Variants in SFMBT2 observed in about 807,000 individuals in gnomAD.
SFMBT2 encodes scm-like with four MBT domains protein 2.
In SFMBT2, 38 loss-of-function variants were observed where a neutral mutation model predicts 110.1. The observed-to-expected ratio is 0.35, with a 90% CI of 0.27 to 0.45. SFMBT2 has a LOEUF of 0.45. Among genes scored for constraint, SFMBT2 ranks in the 20% least tolerant of loss-of-function variants. The pLI, the probability that SFMBT2 is intolerant of heterozygous loss-of-function variation, is 1.00. For synonymous variants in SFMBT2, 425 were observed against 425.4 expected, an observed-to-expected ratio of 1.00 and a Z score of 0.01; for missense variants, 1,011 against 1,094.9, an observed-to-expected ratio of 0.92 and a Z score of 1.08.
At chr10:7,307,601 T>C (rs974464215) in intron 4 of SFMBT2, among the ~76,000 whole-genome samples, 2 of 152,238 alleles carry the variant, frequency 1.3e-5, no homozygotes, top group African/African-American at 4.8e-5. Context: ...TAAATAGTTC[T>C]AGGACAACTG....
chr10:7,334,850 G>A (rs1012772065), intron 4 of SFMBT2, among the ~76,000 whole-genome samples: 1 of 152,170 alleles, frequency 6.6e-6, no homozygotes, highest in Non-Finnish European at 1.5e-5. Context: ...AGAGACAAGC[G>A]TGAAGTTCCA....
intron 10 of SFMBT2, among the ~76,000 whole-genome samples, 161 bp from the exon 11 acceptor site, chr10:7,220,698 G>A (rs1839699144): frequency 6.6e-6 from 1 of 152,204 alleles, no homozygotes; most frequent in South Asian, 2.1e-4. Flanking sequence ...GAAAGAACCA[G>A]GTGGTCTTCA....
chr10:7,384,600 A>T (rs1464991460), intron 1 of SFMBT2, among the ~76,000 whole-genome samples: 1 of 152,206 alleles, frequency 6.6e-6, no homozygotes, highest in Non-Finnish European at 1.5e-5. Flanking sequence ...CCGAAAGCTT[A>T]GCTGGAATCG....
intron 7 of SFMBT2, among the ~76,000 whole-genome samples, chr10:7,262,180 A>G (rs1368064727): frequency 2.0e-5 from 3 of 150,790 alleles, no homozygotes; most frequent in Admixed American, 6.7e-5. Context: ...CATGAAAGGC[A>G]CTACGGGGCT....
chr10:7,322,606 GACACACAC>G (rs139616328), intron 4 of SFMBT2, among the ~76,000 whole-genome samples: 2 of 148,700 alleles, frequency 1.3e-5, no homozygotes, highest in African/African-American at 5.0e-5. Flanking sequence ...ACTTATGGAA[GACACACAC>G]ACACACACAC....
chr10:7,375,100 C>A (rs934247638), intron 2 of SFMBT2, among the ~76,000 whole-genome samples: 2 of 152,286 alleles, frequency 1.3e-5, no homozygotes, highest in African/African-American at 4.8e-5. Context: ...CTAGGAAAAG[C>A]TACGAAGAAA....
At chr10:7,409,540 G>T (rs1411610251) in intron 1 of SFMBT2, among the ~76,000 whole-genome samples, 2 of 151,956 alleles carry the variant, frequency 1.3e-5, no homozygotes, top group Admixed American at 6.5e-5. Flanking sequence ...CTAATCCACA[G>T]GCACACACGA....
rs975193727 is a variant in SFMBT2 at position 7,186,433 on chromosome 10, C to T, written c.1808+2191G>A. On this transcript the variant is annotated intron_variant, in intron 16 of 20. Coordinates refer to ENST00000397167, the MANE Select transcript of SFMBT2 (RefSeq NM_001387889.1). Reference sequence around the variant, plus strand: ...TACATACATACTATATATACACACACACACACACACACACACACACACACA... The same window carrying T: ...TACATACATACTATATATACACACATACACACACACACACACACACACACA... Among the ~76,000 whole-genome samples the T allele has an allele frequency of 1.1e-3, 153 of 136,744 alleles. 1 individual carries two copies. The highest frequency in any genetic ancestry group is 2.7e-3 in the African/African-American group (89 of 33,012). The allele number at this position is 136,744 out of a possible 152,430, so 89.7% of individuals were successfully genotyped here. A position where few individuals can be genotyped will look rare whatever the true frequency, so the allele number is the denominator to read the frequency against.
At chr10:7,409,668 C>T (rs1305934159) in intron 1 of SFMBT2, among the ~76,000 whole-genome samples, 1 of 152,098 alleles carries the variant, frequency 6.6e-6, no homozygotes, top group Non-Finnish European at 1.5e-5. Context: ...ACAGCCCATT[C>T]CTTCTTTTTT....
chr10:7,364,855 G>A (rs1030394847), intron 4 of SFMBT2, among the ~76,000 whole-genome samples: 2 of 152,272 alleles, frequency 1.3e-5, no homozygotes. Flanking sequence ...TGCGTGCAGA[G>A]TTGGGGATGG....
intron 4 of SFMBT2, among the ~76,000 whole-genome samples, chr10:7,323,470 C>CAAAAAAAAAAAAAAAAAAAAAAAAAAAA (rs34153060): frequency 8.3e-6 from 1 of 120,578 alleles, no homozygotes; most frequent in African/African-American, 3.1e-5. Flanking sequence ...AAAAAAAAAC[C>CAAAAAAAAAAAAAAAAAAAAAAAAAAAA]AAAAAAAAAA....
intron 4 of SFMBT2, among the ~76,000 whole-genome samples, chr10:7,353,960 G>A (rs144852512): frequency 1.3e-5 from 2 of 151,900 alleles, no homozygotes; most frequent in African/African-American, 2.4e-5. Context: ...GGTGGTGCGT[G>A]CGTGTAATCT....
At chr10:7,209,103 T>C (rs1839251420) in intron 11 of SFMBT2, among the ~76,000 whole-genome samples, 1 of 152,222 alleles carries the variant, frequency 6.6e-6, no homozygotes, top group Non-Finnish European at 1.5e-5. Context: ...CATTTCCCTT[T>C]ACCAAGCTTA....
intron 9 of SFMBT2, among the ~76,000 whole-genome samples, chr10:7,233,121 A>C (rs994046275): frequency 6.6e-6 from 1 of 152,238 alleles, no homozygotes; most frequent in African/African-American, 2.4e-5. Context: ...AATCTTAATA[A>C]AAAATAAAAA....
intron 2 of SFMBT2, among the ~76,000 whole-genome samples, chr10:7,379,225 T>C (rs1332564151): frequency 6.6e-6 from 1 of 152,102 alleles, no homozygotes; most frequent in Non-Finnish European, 1.5e-5. Flanking sequence ...GTAAGTCCCA[T>C]CTGAAAATGC....
intron 4 of SFMBT2, among the ~76,000 whole-genome samples, chr10:7,326,430 C>G (rs138510533): frequency 6.6e-6 from 1 of 152,318 alleles, no homozygotes; most frequent in South Asian, 2.1e-4. Context: ...ATAACTCCCC[C>G]GCACATTCCC....
chr10:7,322,652 T>G (rs1843230509), intron 4 of SFMBT2, among the ~76,000 whole-genome samples: 1 of 150,348 alleles, frequency 6.7e-6, no homozygotes, highest in Non-Finnish European at 1.5e-5. Context: ...AGCACAAAAG[T>G]AAGGTCTAAT....
chr10:7,164,562 C>G (rs1247118720), intron 20 of SFMBT2, among the ~76,000 whole-genome samples: 2 of 152,080 alleles, frequency 1.3e-5, no homozygotes, highest in African/African-American at 2.4e-5. Context: ...ACTCTCCACC[C>G]CAGGCAGGGC....
chr10:7,310,552 T>C (rs1842821045), intron 4 of SFMBT2, among the ~76,000 whole-genome samples: 2 of 152,180 alleles, frequency 1.3e-5, no homozygotes, highest in African/African-American at 4.8e-5. Context: ...AGTGATGAAA[T>C]TGATGAAAGG....
Sources: gnomAD v4.1 joint callset for allele counts (sites outside exome capture counted in the v4.1 genomes callset) on GRCh38, gnomAD v4.1.1 for gene constraint, MANE v1.5 for transcripts, NCBI Gene and HGNC (gene_info 2026-07-23, HGNC 2026-07-21) for gene names.